The following MTRR variants were observed in gnomAD, a reference collection of about 807,000 sequenced individuals.
MTRR encodes the protein methionine synthase reductase.
In MTRR, 63 loss-of-function variants were observed where a neutral mutation model predicts 79.2. The ratio of observed to expected loss-of-function variants is 0.80; its 90% CI spans 0.65 to 0.98. MTRR has a LOEUF of 0.98. MTRR is among the 50% of genes least tolerant of loss of function. The probability of loss-of-function intolerance (pLI) is 0.00; values close to 1 mark genes in which losing one functional copy is unlikely to be tolerated. For synonymous variants in MTRR, 355 were observed against 313.3 expected, an observed-to-expected ratio of 1.13 and a Z score of -1.41; for missense variants, 895 against 839.6, an observed-to-expected ratio of 1.07 and a Z score of -0.82.
chr5:7,876,394 T>C (rs1734571308), intron 4 of MTRR, among the ~76,000 whole-genome samples: 1 of 152,258 alleles, frequency 6.6e-6, no homozygotes, highest in Admixed American at 6.5e-5. Flanking sequence ...TGTGTTTAAC[T>C]GTTAATGTAA....
At chr5:7,856,883 G>A (rs1202003121) in intron 1 of MTRR, 1 of 151,568 alleles carries the variant, frequency 6.6e-6, no homozygotes, top group Non-Finnish European at 1.5e-5. Flanking sequence ...ATAGAGGAAG[G>A]CAAGGAAAGG....
At chr5:7,890,526 C>T in intron 9 of MTRR, 1 of 489,466 alleles carries the variant, frequency 2.0e-6, no homozygotes, top group Non-Finnish European at 2.7e-6. Context: ...GTAACAATAC[C>T]ACATTACGTA....
upstream of MTRR, chr5:7,868,096 T>C: frequency 6.5e-7 from 1 of 1,537,306 alleles, no homozygotes; most frequent in African/African-American, 1.4e-5. Flanking sequence ...CATCAGATTC[T>C]CAATTTGATA....
At chr5:7,868,967 G>A (rs750255332), upstream of MTRR, 7 of 788,022 alleles carry the variant, frequency 8.9e-6, no homozygotes, top group East Asian at 5.1e-5. Flanking sequence ...GAGACCCCGC[G>A]TTGACACCTA....
intron 12 of MTRR, 95 bp from the exon 13 acceptor site, chr5:7,896,769 T>G: frequency 2.1e-6 from 2 of 953,904 alleles, no homozygotes; most frequent in Non-Finnish European, 3.4e-6. Context: ...ATTTTACAAA[T>G]CCGTCTGAGT....
At chr5:7,881,716 T>G (rs1194240653) in intron 5 of MTRR, among the ~76,000 whole-genome samples, 1 of 152,196 alleles carries the variant, frequency 6.6e-6, no homozygotes, top group African/African-American at 2.4e-5. Flanking sequence ...TTAGTTTTAC[T>G]TAGTTCTTAA....
intron 5 of MTRR, among the ~76,000 whole-genome samples, chr5:7,880,160 C>T (rs570200273): frequency 8.8e-4 from 134 of 152,282 alleles, no homozygotes; most frequent in Non-Finnish European, 1.6e-3. Flanking sequence ...TACCAAAGAC[C>T]GCACTGTCCT....
upstream of MTRR, chr5:7,867,240 T>C (rs7728621): frequency 1.4e-4 from 223 of 1,614,036 alleles, no homozygotes; most frequent in African/African-American, 2.7e-3. Context: ...AGGGAAAAGT[T>C]GTTTATCTTA....
intron 1 of MTRR, 54 bp downstream of exon 1, chr5:7,869,269 A>G: frequency 1.3e-6 from 2 of 1,588,140 alleles, no homozygotes; most frequent in South Asian, 2.2e-5. Flanking sequence ...CCCTGCACTA[A>G]TCTCCTGGGA....
chr5:7,871,899 A>G (rs1174214361), intron 2 of MTRR, among the ~76,000 whole-genome samples: 1 of 152,200 alleles, frequency 6.6e-6, no homozygotes, highest in Non-Finnish European at 1.5e-5. Context: ...GTTACTTTGG[A>G]CAAAACCAAA....
At chr5:7,866,006 C>T (rs755304751), upstream of MTRR, 4 of 1,581,306 alleles carry the variant, frequency 2.5e-6, no homozygotes, top group South Asian at 4.5e-5. Context: ...GCATCCCAGT[C>T]ATAGTTACGT....
In MTRR at chr5:7,878,173, G is replaced by A. The variant is rs1734899233; in HGVS notation, c.631G>A (p.Ala211Thr). 1.9e-6 allele frequency: 3 copies of A among 1,614,192 alleles called. No homozygotes were observed. The highest frequency in any genetic ancestry group is 2.5e-6 in the Non-Finnish European group (3 of 1,180,038). The change falls in exon 5 of 15, where the codon GCA (alanine) becomes ACA (threonine). Residue 211 changes from alanine to threonine, a missense_variant. Physicochemically the swap from Ala to Thr is moderately conservative, Grantham distance 58 (BLOSUM62 0). Transcript: ENST00000440940. ...RKDSEVLKQN[A>T]VNSNQSNVVI... ...GGATTCTGAGGTTTTGAAGCAAAAT[G>A]CAGTGAACAGCAACCAATCCAATGT... is the stretch of plus-strand genomic sequence containing the variant.
intron 1 of MTRR, 134 bp downstream of exon 1, chr5:7,869,349 G>A (rs1245850930): frequency 5.2e-6 from 5 of 965,274 alleles, no homozygotes; most frequent in Non-Finnish European, 7.8e-6. Flanking sequence ...GCCTCCGGGG[G>A]TCGCCGCGGG....
At chr5:7,877,809 G>C in intron 4 of MTRR, 135 bp from the exon 5 acceptor site, 3 of 1,178,342 alleles carry the variant, frequency 2.5e-6, no homozygotes, top group Non-Finnish European at 3.7e-6. Flanking sequence ...AGTATTTTTT[G>C]TATTCCGAAT....
chr5:7,893,956 G>A (rs1455083322), intron 11 of MTRR, among the ~76,000 whole-genome samples: 1 of 152,082 alleles, frequency 6.6e-6, no homozygotes, highest in African/African-American at 2.4e-5. Context: ...TTTTTGAGAA[G>A]AAATATTATA....
chr5:7,893,010 C>G, intron 11 of MTRR, 97 bp downstream of exon 11: 1 of 1,337,518 alleles, frequency 7.5e-7, no homozygotes, highest in South Asian at 1.3e-5. Flanking sequence ...TCATTACTGT[C>G]ATAAGAAAAT....
At chr5:7,870,134 A>G (rs548133475) in intron 1 of MTRR, 1 of 962,230 alleles carries the variant, frequency 1.0e-6, no homozygotes, top group East Asian at 1.2e-4. Flanking sequence ...GATTGGAAAT[A>G]TTTTTTCGTT....
upstream of MTRR, among the ~76,000 whole-genome samples, chr5:7,864,469 T>A (rs538233840): frequency 1.6e-4 from 24 of 152,158 alleles, no homozygotes; most frequent in African/African-American, 5.5e-4. Flanking sequence ...ATAAGTAATA[T>A]TAAAAAGTAA....
At chr5:7,866,596 C>T (rs771763636), upstream of MTRR, 2 of 1,358,212 alleles carry the variant, frequency 1.5e-6, no homozygotes, top group East Asian at 2.3e-5. Context: ...AAACCACTGC[C>T]AGTTCAAAGG....
Sources: gnomAD v4.1 joint callset for allele counts (sites outside exome capture counted in the v4.1 genomes callset) on GRCh38, gnomAD v4.1.1 for gene constraint, MANE v1.5 for transcripts, NCBI Gene and HGNC (gene_info 2026-07-23, HGNC 2026-07-21) for gene names.